Variants in GABRB2 observed in about 807,000 individuals in gnomAD.
The protein encoded by GABRB2 is gamma-aminobutyric acid type A receptor subunit beta2.
In GABRB2, 16 loss-of-function variants were observed where a neutral mutation model predicts 54.7. The observed-to-expected ratio is 0.29, with a 90% CI of 0.20 to 0.44. The LOEUF is 0.44. GABRB2 is among the 20% of genes least tolerant of loss of function. The pLI is 1.00. For missense variants in GABRB2, 355 were observed against 644.0 expected, an observed-to-expected ratio of 0.55 and a Z score of 4.86; for synonymous variants, 244 against 233.8, an observed-to-expected ratio of 1.04 and a Z score of -0.40.
At chr5:161,477,284 C>CAAAAAAAAAA (rs70990786) in intron 3 of GABRB2, among the ~76,000 whole-genome samples, 1 of 127,850 alleles carries the variant, frequency 7.8e-6, no homozygotes, top group Non-Finnish European at 1.7e-5. Context: ...CAAACAAAAG[C>CAAAAAAAAAA]AAAAAAAAAA....
intron 5 of GABRB2, among the ~76,000 whole-genome samples, chr5:161,372,074 G>A (rs904511437): frequency 7.9e-5 from 12 of 152,014 alleles, no homozygotes; most frequent in African/African-American, 2.7e-4. Flanking sequence ...TTACCTAGTC[G>A]ATTAAATCCT....
At chr5:161,545,146 A>AC in intron 3 of GABRB2, 81 bp downstream of exon 3, 2 of 961,136 alleles carry the variant, frequency 2.1e-6, no homozygotes, top group Non-Finnish European at 3.1e-6. Context: ...GCACACCCCC[A>AC]CCCCCAATAG....
At chr5:161,495,511 G>T (rs1182731887) in intron 3 of GABRB2, among the ~76,000 whole-genome samples, 1 of 151,618 alleles carries the variant, frequency 6.6e-6, no homozygotes, top group Non-Finnish European at 1.5e-5. Flanking sequence ...AAAGAAATTT[G>T]AAAACGTTTG....
At chr5:161,447,310 T>C (rs1051480424) in intron 4 of GABRB2, among the ~76,000 whole-genome samples, 3 of 152,316 alleles carry the variant, frequency 2.0e-5, no homozygotes, top group South Asian at 4.1e-4. Context: ...GGCCTCATTA[T>C]GCAATGATGT....
intron 4 of GABRB2, 32 bp downstream of exon 4, chr5:161,459,591 GA>G (rs775475550): frequency 6.4e-7 from 1 of 1,555,764 alleles, no homozygotes; most frequent in East Asian, 2.2e-5. Context: ...TTTTGTTCAG[GA>G]AAAGTTATAT....
At chr5:161,403,972 TAGAA>T (rs1756278262) in intron 5 of GABRB2, among the ~76,000 whole-genome samples, 1 of 152,258 alleles carries the variant, frequency 6.6e-6, no homozygotes, top group Non-Finnish European at 1.5e-5. Context: ...ACACTTTAGA[TAGAA>T]AGAATTTCCT....
At chr5:161,422,632 A>G (rs564471259) in intron 4 of GABRB2, among the ~76,000 whole-genome samples, 1 of 152,250 alleles carries the variant, frequency 6.6e-6, no homozygotes, top group South Asian at 2.1e-4. Flanking sequence ...CACTGTTTCT[A>G]TGGTGAATAT....
chr5:161,389,668 T>G (rs1755759293), intron 5 of GABRB2, among the ~76,000 whole-genome samples: 1 of 151,556 alleles, frequency 6.6e-6, no homozygotes, highest in Admixed American at 6.6e-5. Flanking sequence ...TAAGGAATTG[T>G]TTGGGAGTAT....
Position 161,398,036 on chromosome 5 carries a change from T to C in GABRB2, c.541+12939A>G, listed in dbSNP as rs185882838. Among the ~76,000 whole-genome samples the C allele has an allele frequency of 4.9e-3, 651 of 132,552 alleles. 7 individuals carry two copies. The highest frequency in any genetic ancestry group is 0.017 in the African/African-American group (626 of 37,772). 87.0% of individuals were successfully genotyped at this position (132,552 alleles called of 152,430 possible). On this transcript the variant is annotated intron_variant, in intron 5 of 9. Coordinates refer to ENST00000393959, the MANE Select transcript of GABRB2 (RefSeq NM_001371727.1). ...GATGATAGATAGATAGATAGATAGA[T>C]AGACAGATAGATAGATAGATAGACA...
chr5:161,478,475 C>G (rs1422364315), intron 3 of GABRB2, among the ~76,000 whole-genome samples: 1 of 152,044 alleles, frequency 6.6e-6, no homozygotes, highest in Non-Finnish European at 1.5e-5. Flanking sequence ...TTTCTGCCTA[C>G]AACACATTGG....
chr5:161,443,644 T>G (rs1757527616), intron 4 of GABRB2, among the ~76,000 whole-genome samples: 1 of 152,234 alleles, frequency 6.6e-6, no homozygotes, highest in Non-Finnish European at 1.5e-5. Context: ...TGCTTAGAAT[T>G]TAGGCAAAGT....
chr5:161,405,143 A>G (rs1756310556), intron 5 of GABRB2, among the ~76,000 whole-genome samples: 1 of 151,998 alleles, frequency 6.6e-6, no homozygotes, highest in Non-Finnish European at 1.5e-5. Flanking sequence ...GAAAATAGCT[A>G]TCCTGTTCAA....
chr5:161,448,405 C>A (rs1459635770), intron 4 of GABRB2, among the ~76,000 whole-genome samples: 1 of 152,042 alleles, frequency 6.6e-6, no homozygotes, highest in East Asian at 1.9e-4. Context: ...CAGAGTGAGA[C>A]CCTGTATCTA....
chr5:161,491,774 C>A (rs1043627469), intron 3 of GABRB2, among the ~76,000 whole-genome samples: 1 of 151,580 alleles, frequency 6.6e-6, no homozygotes, highest in Non-Finnish European at 1.5e-5. Context: ...TGTCTTAGAG[C>A]AAATTAAGTA....
At chr5:161,304,010 G>C (rs1757610511) in intron 9 of GABRB2, among the ~76,000 whole-genome samples, 1 of 152,112 alleles carries the variant, frequency 6.6e-6, no homozygotes, top group Non-Finnish European at 1.5e-5. Context: ...ATTACCGTTG[G>C]TACAAAGTAA....
rs896969975 is a variant in GABRB2, at chr5:161,419,148, C to G, written c.459-8091G>C. On this transcript the variant is annotated intron_variant, in intron 4 of 9. Coordinates refer to ENST00000393959, the MANE Select transcript of GABRB2 (RefSeq NM_001371727.1). ...TGTCAAAAACAAACAAATAAACAAA[C>G]TAACAAAAAAGATATTTCTCAAAAT... 7.2e-5 allele frequency among the ~76,000 whole-genome samples: 11 copies of G among 152,088 alleles called. No individual in the cohort carries two copies. The East Asian group carries it at 7.7e-4, about 11-fold the overall frequency.
intron 9 of GABRB2, among the ~76,000 whole-genome samples, chr5:161,308,384 C>A (rs1757763365): frequency 6.6e-6 from 1 of 152,162 alleles, no homozygotes; most frequent in Non-Finnish European, 1.5e-5. Flanking sequence ...ACATTCCATG[C>A]TAATGGATAG....
chr5:161,513,779 CAAAT>C (rs1264082583), intron 3 of GABRB2, among the ~76,000 whole-genome samples: 1 of 151,810 alleles, frequency 6.6e-6, no homozygotes, highest in Non-Finnish European at 1.5e-5. Flanking sequence ...TCCTGAATCT[CAAAT>C]AAAAGTTGAA....
At chr5:161,464,387 G>A (rs771306979) in intron 3 of GABRB2, among the ~76,000 whole-genome samples, 9 of 151,984 alleles carry the variant, frequency 5.9e-5, no homozygotes, top group Non-Finnish European at 1.2e-4. Context: ...AACTCAATGA[G>A]ATGCTACCAC....
Sources: allele counts gnomAD v4.1 joint callset (sites outside exome capture counted in the v4.1 genomes callset), GRCh38; gene constraint gnomAD v4.1.1; transcripts MANE v1.5; gene names NCBI Gene and HGNC (gene_info 2026-07-23, HGNC 2026-07-21).